The following RAP1GDS1 variants were observed in gnomAD, a reference collection of about 807,000 sequenced individuals.
The protein encoded by RAP1GDS1 is Rap1 GTPase-GDP dissociation stimulator 1.
In RAP1GDS1, 35 loss-of-function variants were observed where a neutral mutation model predicts 71.1. The ratio of observed to expected loss-of-function variants is 0.49; its 90% confidence interval spans 0.38 to 0.65. RAP1GDS1 has a LOEUF of 0.65. RAP1GDS1 is among the 30% of genes least tolerant of loss of function. RAP1GDS1 has a pLI of 0.00. For missense variants in RAP1GDS1, 663 were observed against 706.1 expected (o/e 0.94, Z 0.69); for synonymous variants, 229 against 243.1 (o/e 0.94, Z 0.54).
intron 6 of RAP1GDS1, among the ~76,000 whole-genome samples, chr4:98,393,614 C>CAA (rs1744062412): frequency 6.6e-6 from 1 of 152,080 alleles, no homozygotes; most frequent in South Asian, 2.1e-4. Context: ...TTATGAAAAT[C>CAA]AAAGAGTGCA....
chr4:98,402,539 A>C (rs1200006103), intron 6 of RAP1GDS1, among the ~76,000 whole-genome samples: 1 of 152,154 alleles, frequency 6.6e-6, no homozygotes, highest in Admixed American at 6.5e-5. Context: ...ACATTAAAGA[A>C]TCATACTTAA....
chr4:98,353,930 T>C (rs1737576978), intron 4 of RAP1GDS1, among the ~76,000 whole-genome samples: 1 of 152,198 alleles, frequency 6.6e-6, no homozygotes. Context: ...TAGCAACATA[T>C]ATTAGACCTC....
At chr4:98,377,182 A>G (rs949857454) in intron 4 of RAP1GDS1, among the ~76,000 whole-genome samples, 1 of 151,890 alleles carries the variant, frequency 6.6e-6, no homozygotes, top group African/African-American at 2.4e-5. Flanking sequence ...TTTATATTTC[A>G]AAAGCCCAGT....
rs75921314 is a variant in RAP1GDS1, at chr4:98,333,256, T to A, written c.113-9883T>A. Among the ~76,000 whole-genome samples the A allele has an allele frequency of 7.5e-3, 1,140 of 152,186 alleles. 20 individuals carry two copies. Among genetic ancestry groups the A allele is most frequent in the Admixed American group, 0.015 (223 of 15,292 alleles). ...TATCTCAATAGCGAATACATTTTTA[T>A]GCTTTCATCGAAAACACATTTTTGT... On this transcript the variant is annotated intron_variant, in intron 2 of 14. Transcript: ENST00000408927.
At chr4:98,341,327 A>G (rs748524987) in intron 2 of RAP1GDS1, among the ~76,000 whole-genome samples, 48 of 152,228 alleles carry the variant, frequency 3.2e-4, no homozygotes, top group Non-Finnish European at 4.9e-4. Flanking sequence ...TAGTACAGCT[A>G]TTCTCCCAGT....
At chr4:98,427,900 C>A (rs1322450969) in intron 12 of RAP1GDS1, among the ~76,000 whole-genome samples, 1 of 152,054 alleles carries the variant, frequency 6.6e-6, no homozygotes, top group African/African-American at 2.4e-5. Context: ...GCCTGCATAG[C>A]CAAGGCAAGA....
chr4:98,370,106 C>G (rs997911777), intron 4 of RAP1GDS1, among the ~76,000 whole-genome samples: 1 of 152,080 alleles, frequency 6.6e-6, no homozygotes, highest in East Asian at 1.9e-4. Context: ...CTCTTTTTCC[C>G]CTCACCCAAG....
intron 5 of RAP1GDS1, among the ~76,000 whole-genome samples, chr4:98,383,517 ATC>A (rs894013951): frequency 6.6e-6 from 1 of 151,434 alleles, no homozygotes; most frequent in East Asian, 1.9e-4. Flanking sequence ...AGTTCCTGAA[ATC>A]TCTCTGAGAT....
At chr4:98,359,205 C>T (rs187589462) in intron 4 of RAP1GDS1, among the ~76,000 whole-genome samples, 100 of 151,970 alleles carry the variant, frequency 6.6e-4, no homozygotes, top group African/African-American at 2.0e-3. Flanking sequence ...ATAAGATTTA[C>T]GGAGTGGGAA....
At chr4:98,385,850 T>C (rs1560938513) in intron 5 of RAP1GDS1, among the ~76,000 whole-genome samples, 1 of 151,962 alleles carries the variant, frequency 6.6e-6, no homozygotes, top group Non-Finnish European at 1.5e-5. Flanking sequence ...AAGGGATTTC[T>C]ATGTTTTTAA....
At chr4:98,369,224 T>C (rs1443685607) in intron 4 of RAP1GDS1, among the ~76,000 whole-genome samples, 2 of 152,206 alleles carry the variant, frequency 1.3e-5, no homozygotes. Flanking sequence ...GTGGGAGCTA[T>C]AATTCAAGAT....
intron 3 of RAP1GDS1, among the ~76,000 whole-genome samples, chr4:98,351,793 A>C (rs1439854964): frequency 6.6e-6 from 1 of 151,948 alleles, no homozygotes; most frequent in African/African-American, 2.4e-5. Flanking sequence ...ATAAGGAAAA[A>C]ATGGGTTTGA....
intron 7 of RAP1GDS1, among the ~76,000 whole-genome samples, chr4:98,407,692 G>C (rs1191339959): frequency 2.0e-5 from 3 of 152,156 alleles, no homozygotes. Flanking sequence ...TGAGATGAGG[G>C]GGTGAGGGGT....
At chr4:98,371,501 G>A (rs1190045032) in intron 4 of RAP1GDS1, among the ~76,000 whole-genome samples, 1 of 151,216 alleles carries the variant, frequency 6.6e-6, no homozygotes, top group Non-Finnish European at 1.5e-5. Context: ...TTTTTAGATG[G>A]AGTCTTGCTC....
intron 12 of RAP1GDS1, among the ~76,000 whole-genome samples, chr4:98,422,702 T>C (rs1251007516): frequency 2.6e-5 from 4 of 152,238 alleles, no homozygotes; most frequent in Non-Finnish European, 5.9e-5. Context: ...TAAATCTCTT[T>C]CATATAAATA....
intron 3 of RAP1GDS1, among the ~76,000 whole-genome samples, chr4:98,352,055 A>G (rs975700450): frequency 5.3e-5 from 8 of 151,328 alleles, no homozygotes; most frequent in Non-Finnish European, 8.8e-5. Context: ...AAACAAAGTG[A>G]AAAATTAGGC....
intron 2 of RAP1GDS1, among the ~76,000 whole-genome samples, chr4:98,321,590 A>G (rs572389276): frequency 6.6e-6 from 1 of 151,916 alleles, no homozygotes; most frequent in South Asian, 2.1e-4. Flanking sequence ...AAACCCTACA[A>G]GCCAGAAGAG....
At chr4:98,419,950 G>A (rs1748574891) in intron 10 of RAP1GDS1, 69 bp from the exon 11 acceptor site, 5 of 1,372,242 alleles carry the variant, frequency 3.6e-6, no homozygotes, top group South Asian at 1.5e-5. Context: ...TAATAAACCT[G>A]TATTGAATTG....
chr4:98,266,241 C>T (rs1398881920), intron 1 of RAP1GDS1, among the ~76,000 whole-genome samples: 1 of 151,972 alleles, frequency 6.6e-6, no homozygotes, highest in East Asian at 1.9e-4. Context: ...TTTTTAATGT[C>T]TTTGTGACTT....
Sources: gnomAD v4.1 joint callset for allele counts (sites outside exome capture counted in the v4.1 genomes callset) on GRCh38, gnomAD v4.1.1 for gene constraint, MANE v1.5 for transcripts, NCBI Gene and HGNC (gene_info 2026-07-23, HGNC 2026-07-21) for gene names.